UCHL5: variants seen among roughly 807,000 people sequenced by gnomAD.
The protein encoded by UCHL5 is ubiquitin carboxyl-terminal hydrolase isozyme L5.
Under a neutral mutation model 53.8 loss-of-function variants are expected in UCHL5, and 34 were observed. The observed-to-expected ratio is 0.63, with a 90% CI of 0.48 to 0.84. UCHL5 has a LOEUF of 0.84. Among genes scored for constraint, UCHL5 ranks in the 40% least tolerant of loss-of-function variants. The pLI is 0.00. For missense variants in UCHL5, 290 were observed against 385.6 expected (o/e 0.75, Z 2.08); for synonymous variants, 111 against 126.3 (o/e 0.88, Z 0.81).
At chr1:193,059,565 A>T (rs1414193957), upstream of UCHL5, 1 of 1,514,944 alleles carries the variant, frequency 6.6e-7, no homozygotes, top group South Asian at 1.1e-5. The surrounding 1 kb of genome is among the most constrained non-coding windows in gnomAD (Gnocchi z 4.9). Context: ...AACATCCGGG[A>T]TCCTCGCCCC....
At chr1:193,024,056 T>C in intron 7 of UCHL5, 110 bp from the exon 8 acceptor site, 1 of 789,208 alleles carries the variant, frequency 1.3e-6, no homozygotes, top group Non-Finnish European at 1.9e-6. Context: ...AACAAAAGTC[T>C]ATCAATTGGC....
chr1:193,047,012 G>A (rs1667547326), intron 3 of UCHL5, among the ~76,000 whole-genome samples: 1 of 151,856 alleles, frequency 6.6e-6, no homozygotes, highest in Non-Finnish European at 1.5e-5. Context: ...GTGATCTCAG[G>A]CAAATAATTT....
rs931631915 is a variant in UCHL5 at position 193,020,440 on chromosome 1, C to A, written c.942+657G>T. 4 of 1,542,266 alleles carry A rather than the reference C, an allele frequency of 2.6e-6. No individual in the cohort carries two copies. The African/African-American group carries it at 4.1e-5, about 16-fold the overall frequency. On this transcript the variant is annotated intron_variant, in intron 10 of 10. Coordinates refer to ENST00000367454, the MANE Select transcript of UCHL5 (RefSeq NM_001199261.3). ...TTGGGGAACTTATTAAAGAATCCTT[C>A]CCCTATATCAGAATATCTGGGGAGG...
At chr1:193,041,038 A>G (rs775624194) in intron 3 of UCHL5, among the ~76,000 whole-genome samples, 5 of 152,154 alleles carry the variant, frequency 3.3e-5, no homozygotes, top group Non-Finnish European at 7.4e-5. Context: ...GTACAAATAT[A>G]CAGTTTAACA....
chr1:193,019,836 C>G, intron 10 of UCHL5: 1 of 947,342 alleles, frequency 1.1e-6, no homozygotes, highest in Non-Finnish European at 1.3e-6. Flanking sequence ...AAAATTTATA[C>G]ATTTAATATT....
intron 3 of UCHL5, among the ~76,000 whole-genome samples, chr1:193,044,586 T>C (rs1439878901): frequency 6.6e-6 from 1 of 152,058 alleles, no homozygotes; most frequent in Non-Finnish European, 1.5e-5. Flanking sequence ...GAGTATATGA[T>C]CAGCACAAAA....
At chr1:193,052,658 T>C (rs1669424422) in intron 1 of UCHL5, among the ~76,000 whole-genome samples, 1 of 152,180 alleles carries the variant, frequency 6.6e-6, no homozygotes, top group Non-Finnish European at 1.5e-5. Flanking sequence ...ATTTAAACTC[T>C]ACATTCCTCA....
Position 193,016,050 on chromosome 1 carries a change from G to C in UCHL5, c.*301C>G. The C allele has an allele frequency of 3.2e-6, 1 of 315,246 alleles. No homozygotes were observed. The highest frequency in any genetic ancestry group is 8.2e-5 in the South Asian group (1 of 12,258). 19.5% of individuals were successfully genotyped at this position (315,246 alleles called of 1,614,324 possible). On this transcript the variant is annotated 3_prime_UTR_variant, in exon 11 of 11. Transcript: ENST00000367454. ...AAATTACAGATAAGGAATATCGTTT[G>C]TGCATTTTCTAGCTTCATATGGTAG...
rs1055156747 is a variant in UCHL5, at chr1:193,017,450, C to T, written c.943-1055G>A. ...GAATAAGAGCAAATAGTCTGTGTGTCATATTAAAAATAATAAAGTTAATTG... is the reference window on the plus strand; with the variant it reads ...GAATAAGAGCAAATAGTCTGTGTGTTATATTAAAAATAATAAAGTTAATTG... On this transcript the variant is annotated intron_variant, in intron 10 of 10. Coordinates refer to ENST00000367454, the MANE Select transcript of UCHL5 (RefSeq NM_001199261.3). Among the ~76,000 whole-genome samples the T allele has an allele frequency of 2.0e-5, 3 of 151,726 alleles. No homozygotes were observed. The South Asian group carries it at 6.2e-4, about 31-fold the overall frequency.
chr1:193,036,459 C>T (rs1039369893), intron 3 of UCHL5, among the ~76,000 whole-genome samples: 1 of 149,816 alleles, frequency 6.7e-6, no homozygotes, highest in African/African-American at 2.5e-5. Flanking sequence ...GAGAATATAA[C>T]AATTATAAAT....
At chr1:193,028,247 TA>T (rs1408511889) in intron 6 of UCHL5, 99 bp from the exon 7 acceptor site, 13 of 1,071,792 alleles carry the variant, frequency 1.2e-5, no homozygotes, top group Non-Finnish European at 1.6e-5. Context: ...ACAAATATTT[TA>T]ATAAATTTAG....
At chr1:193,051,708 T>C in intron 2 of UCHL5, 46 bp downstream of exon 2, 1 of 1,165,960 alleles carries the variant, frequency 8.6e-7, no homozygotes, top group Non-Finnish European at 1.2e-6. Flanking sequence ...TTAAGTTTGT[T>C]AAAGTATATA....
chr1:193,018,175 G>A (rs1655521561), intron 10 of UCHL5, among the ~76,000 whole-genome samples: 1 of 151,432 alleles, frequency 6.6e-6, no homozygotes, highest in South Asian at 2.1e-4. Context: ...AAGATCTGAA[G>A]CTTACTTATT....
rs758161144 is a variant in UCHL5, at chr1:193,023,047, G to A, written c.733-11C>T. On this transcript the variant is annotated splice_polypyrimidine_tract_variant and intron_variant, in intron 8 of 10. Coordinates refer to ENST00000367454, the MANE Select transcript of UCHL5 (RefSeq NM_001199261.3). ...TGTATCCATGGGTTCCTCCTTGGGG[G>A]AAGGAAAAGAAATAGCACACCCTAA... The A allele has an allele frequency of 4.5e-6, 7 of 1,562,472 alleles. No homozygotes were observed. The South Asian group carries it at 6.8e-5, about 15-fold the overall frequency.
At chr1:193,046,978 C>A (rs1353901995) in intron 3 of UCHL5, among the ~76,000 whole-genome samples, 1 of 151,858 alleles carries the variant, frequency 6.6e-6, no homozygotes, top group African/African-American at 2.4e-5. Flanking sequence ...ACTTGGAGTT[C>A]TGGATGTACT....
At chr1:193,043,151 T>TAAAAAAAAAAAAAAAAAAAAAAAAA (rs200951342) in intron 3 of UCHL5, among the ~76,000 whole-genome samples, 4 of 36,374 alleles carry the variant, frequency 1.1e-4, no homozygotes, top group African/African-American at 2.5e-4. Context: ...TCTTGAATAT[T>TAAAAAAAAAAAAAAAAAAAAAAAAA]AAAAAAAAAA....
rs1367452439 is a variant in UCHL5 at position 193,028,120 on chromosome 1, A to G, written c.594T>C (p.Ser198=). ...TTTTTTCTATGACAGGCCTTACTGCACTGATCCAATCATCTTGATTGCATG... is the reference window on the plus strand; with the variant it reads ...TTTTTTCTATGACAGGCCTTACTGCGCTGATCCAATCATCTTGATTGCATG... The part of the protein sequence containing the change: ...LGACNQDDWI[S]AVRPVIEKRI... Residue 198 remains serine (S), a synonymous_variant, in exon 7 of 11, where the codon AGT becomes AGC. Transcript: ENST00000367454. 2 of 1,606,626 alleles carry G rather than the reference A, an allele frequency of 1.2e-6. No individual in the cohort carries two copies. The highest frequency in any genetic ancestry group is 1.7e-6 in the Non-Finnish European group (2 of 1,177,802).
intron 3 of UCHL5, among the ~76,000 whole-genome samples, chr1:193,042,753 C>T (rs1220201828): frequency 2.6e-5 from 4 of 152,144 alleles, no homozygotes; most frequent in Admixed American, 6.5e-5. Context: ...TCTTAGAACA[C>T]TTCAGTAACT....
intron 7 of UCHL5, among the ~76,000 whole-genome samples, chr1:193,026,123 T>G (rs576095693): frequency 6.1e-5 from 9 of 147,380 alleles, no homozygotes; most frequent in Non-Finnish European, 1.0e-4. Context: ...GTGATCTAAA[T>G]GTCATACCAT....
Sources: allele counts gnomAD v4.1 joint callset (sites outside exome capture counted in the v4.1 genomes callset), GRCh38; gene constraint gnomAD v4.1.1; non-coding constraint Gnocchi (gnomAD v3.1); transcripts MANE v1.5; gene names NCBI Gene and HGNC (gene_info 2026-07-23, HGNC 2026-07-21).